Variants in FRMD4B observed in about 807,000 individuals in gnomAD.
FRMD4B encodes FERM domain containing 4B, also known as FERM domain-containing protein 4B.
A neutral mutation model predicts 141.5 loss-of-function variants in FRMD4B; 74 were observed. That is an observed-to-expected ratio of 0.52 (90% confidence interval 0.43 to 0.63). The LOEUF is 0.63. FRMD4B is among the 30% of genes least tolerant of loss of function. The pLI, the probability that FRMD4B is intolerant of heterozygous loss-of-function variation, is 0.00. For missense variants in FRMD4B, 1,366 were observed against 1,253.4 expected (o/e 1.09, Z -1.36); for synonymous variants, 506 against 467.9 (o/e 1.08, Z -1.05).
chr3:69,249,059 C>T (rs1467848564), intron 7 of FRMD4B, among the ~76,000 whole-genome samples, 167 bp downstream of exon 7: 1 of 152,182 alleles, frequency 6.6e-6, no homozygotes, highest in African/African-American at 2.4e-5. Flanking sequence ...TTCCCTGATT[C>T]ATTCACAAAA....
intron 22 of FRMD4B, among the ~76,000 whole-genome samples, chr3:69,173,599 T>C (rs1377926302): frequency 6.6e-6 from 1 of 152,252 alleles, no homozygotes; most frequent in Non-Finnish European, 1.5e-5. Flanking sequence ...ATTGTTATTA[T>C]CCTTGCCCTG....
intron 2 of FRMD4B, among the ~76,000 whole-genome samples, chr3:69,401,101 A>G (rs555237043): frequency 6.6e-6 from 1 of 152,360 alleles, no homozygotes; most frequent in South Asian, 2.1e-4. Flanking sequence ...ATAGAAATAT[A>G]TAAAATGCAA....
At chr3:69,498,312 T>C (rs1706435708) in intron 1 of FRMD4B, among the ~76,000 whole-genome samples, 1 of 152,202 alleles carries the variant, frequency 6.6e-6, no homozygotes, top group African/African-American at 2.4e-5. Context: ...TATCATTTAA[T>C]ATTTTTGGAA....
chr3:69,420,477 G>C (rs1027647996), intron 2 of FRMD4B, among the ~76,000 whole-genome samples: 1 of 152,090 alleles, frequency 6.6e-6, no homozygotes, highest in Non-Finnish European at 1.5e-5. Flanking sequence ...ATTTTCCCCA[G>C]GTCACTGACC....
intron 1 of FRMD4B, among the ~76,000 whole-genome samples, chr3:69,384,364 C>CT (rs1373501948): frequency 6.6e-6 from 1 of 152,152 alleles, no homozygotes; most frequent in Non-Finnish European, 1.5e-5. Flanking sequence ...CAGAGTCACT[C>CT]TGGTTGGCTA....
chr3:69,523,333 T>C (rs1234925550), intron 1 of FRMD4B, among the ~76,000 whole-genome samples: 1 of 152,050 alleles, frequency 6.6e-6, no homozygotes, highest in Non-Finnish European at 1.5e-5. Flanking sequence ...AAGCTCAATG[T>C]AAAATAAGGT....
intron 1 of FRMD4B, among the ~76,000 whole-genome samples, chr3:69,490,194 T>G (rs949396294): frequency 9.9e-5 from 15 of 152,218 alleles, no homozygotes; most frequent in Non-Finnish European, 2.2e-4. Context: ...CTGAATTGTG[T>G]ATTTTAAACA....
At chr3:69,430,310 A>G (rs1362148544) in intron 2 of FRMD4B, among the ~76,000 whole-genome samples, 1 of 152,148 alleles carries the variant, frequency 6.6e-6, no homozygotes, top group Non-Finnish European at 1.5e-5. Context: ...TACTGCCACA[A>G]GAGGCCCTTT....
At chr3:69,366,003 T>C (rs1703636799) in intron 1 of FRMD4B, among the ~76,000 whole-genome samples, 1 of 150,790 alleles carries the variant, frequency 6.6e-6, no homozygotes, top group Admixed American at 6.6e-5. Flanking sequence ...GGCAGATCAT[T>C]TGAGGCCAGG....
At chr3:69,260,077 C>CT (rs1474719927) in intron 5 of FRMD4B, among the ~76,000 whole-genome samples, 8 of 151,924 alleles carry the variant, frequency 5.3e-5, no homozygotes, top group Admixed American at 1.3e-4. Context: ...ATAGCAAACG[C>CT]TTTTTTTTCA....
At chr3:69,181,757 G>C in intron 20 of FRMD4B, 47 bp from the exon 21 acceptor site, 1 of 1,185,166 alleles carries the variant, frequency 8.4e-7, no homozygotes. Context: ...AAGAAAAGGA[G>C]GACCCAAATA....
At chr3:69,496,213 C>A (rs1304689316) in intron 1 of FRMD4B, among the ~76,000 whole-genome samples, 1 of 152,154 alleles carries the variant, frequency 6.6e-6, no homozygotes, top group Non-Finnish European at 1.5e-5. Context: ...ACGCTCAAAT[C>A]TGTCTGACTA....
intron 17 of FRMD4B, among the ~76,000 whole-genome samples, chr3:69,193,013 G>T (rs952507043): frequency 1.3e-5 from 2 of 151,780 alleles, no homozygotes; most frequent in African/African-American, 4.8e-5. Flanking sequence ...AAGAGACGGG[G>T]TTTCACCACG....
At chr3:69,223,793 C>A (rs1322036865) in intron 8 of FRMD4B, among the ~76,000 whole-genome samples, 1 of 152,120 alleles carries the variant, frequency 6.6e-6, no homozygotes, top group African/African-American at 2.4e-5. Flanking sequence ...CATGCTACTG[C>A]ACTCCAGCCT....
rs377408971 is a variant in FRMD4B at position 69,187,781 on chromosome 3, G to A, written c.1908C>T (p.Thr636=). 2 of 1,611,714 alleles carry A rather than the reference G, an allele frequency of 1.2e-6. No homozygotes were observed. Among genetic ancestry groups the A allele is most frequent in the Non-Finnish European group, 1.7e-6 (2 of 1,179,006 alleles). Residue 636 remains threonine, a synonymous_variant, in exon 19 of 23, where the codon ACC becomes ACT. Transcript: ENST00000398540. ...KSSINEQFVD[T]RQSREMLSTH... is the part of the protein sequence containing the mutation. ...ATATGACCTCTCACCTGGACTGCCTGGTATCCACAAACTGTTCATTGATGG... is the reference window on the plus strand; with the variant it reads ...ATATGACCTCTCACCTGGACTGCCTAGTATCCACAAACTGTTCATTGATGG...
chr3:69,486,442 T>C (rs1320927267), intron 1 of FRMD4B, among the ~76,000 whole-genome samples: 1 of 151,564 alleles, frequency 6.6e-6, no homozygotes, highest in Non-Finnish European at 1.5e-5. Flanking sequence ...ATAGCTTAGC[T>C]CCCAAAGACA....
chr3:69,174,769 C>G (rs1008063446), intron 22 of FRMD4B, among the ~76,000 whole-genome samples: 2 of 152,130 alleles, frequency 1.3e-5, no homozygotes, highest in Non-Finnish European at 2.9e-5. Flanking sequence ...GCACCAAAAA[C>G]TGTATAATCA....
chr3:69,297,868 C>T (rs186607768), intron 4 of FRMD4B, among the ~76,000 whole-genome samples: 1 of 152,172 alleles, frequency 6.6e-6, no homozygotes, highest in Non-Finnish European at 1.5e-5. Flanking sequence ...TGCGTCTATA[C>T]ACACAGAGGT....
chr3:69,454,511 C>CGGCA (rs1275955137), intron 1 of FRMD4B, among the ~76,000 whole-genome samples: 3 of 152,162 alleles, frequency 2.0e-5, no homozygotes, highest in African/African-American at 7.2e-5. Flanking sequence ...GGGGTGGGCT[C>CGGCA]GGCAGGCCCT....
Sources: gnomAD v4.1 joint callset for allele counts (sites outside exome capture counted in the v4.1 genomes callset) on GRCh38, gnomAD v4.1.1 for gene constraint, MANE v1.5 for transcripts, NCBI Gene and HGNC (gene_info 2026-07-23, HGNC 2026-07-21) for gene names.